Variants in SLC35A5 observed in about 807,000 individuals in gnomAD.
The protein encoded by SLC35A5 is solute carrier family 35 member A5.
Under a neutral mutation model 36.3 loss-of-function variants are expected in SLC35A5, and 28 were observed. The ratio of observed to expected loss-of-function variants is 0.77; its 90% CI spans 0.57 to 1.06. The LOEUF (loss-of-function observed/expected upper bound fraction) is 1.06, where lower values mean the gene tolerates loss of function less well. SLC35A5 is among the 50% of genes least tolerant of loss of function. The pLI is 0.00. For synonymous variants in SLC35A5, 180 were observed against 173.7 expected, an observed-to-expected ratio of 1.04 and a Z score of -0.29; for missense variants, 521 against 499.3, an observed-to-expected ratio of 1.04 and a Z score of -0.41.
intron 4 of SLC35A5, among the ~76,000 whole-genome samples, chr3:112,571,953 T>G (rs1055274989): frequency 1.8e-5 from 1 of 54,358 alleles, no homozygotes; most frequent in East Asian, 5.7e-4. Flanking sequence ...TTTTTTTTTT[T>G]GAGACGGAGT....
At chr3:112,561,587 G>A, upstream of SLC35A5, 11 of 1,538,538 alleles carry the variant, frequency 7.1e-6, no homozygotes, top group Non-Finnish European at 9.7e-6. Context: ...CCGTGTCAGG[G>A]GCCAGGGAGT....
chr3:112,576,360 T>A (rs1279338925), intron 5 of SLC35A5, among the ~76,000 whole-genome samples: 1 of 150,832 alleles, frequency 6.6e-6, no homozygotes, highest in African/African-American at 2.4e-5. Flanking sequence ...CTCCTGACCT[T>A]GTGATCCACC....
At chr3:112,561,849 T>C, upstream of SLC35A5, 1 of 360,680 alleles carries the variant, frequency 2.8e-6, no homozygotes. Context: ...CACGCACCCC[T>C]CGCCCTCTGC....
rs1045318231 is a variant in SLC35A5, at chr3:112,585,488, T to G, written c.*2752T>G. 2.0e-5 allele frequency: 3 copies of G among 152,122 alleles called. No homozygotes were observed. The highest frequency in any genetic ancestry group is 4.4e-5 in the Non-Finnish European group (3 of 68,020). 9.4% of individuals were successfully genotyped at this position (152,122 alleles called of 1,614,324 possible). A position where few individuals can be genotyped will look rare whatever the true frequency, so the allele number is the denominator to read the frequency against. On this transcript the variant is annotated 3_prime_UTR_variant, in exon 7 of 7. Coordinates refer to ENST00000492406, the MANE Select transcript of SLC35A5 (RefSeq NM_017945.5). ...TGATGGGTCCACTAGAAGCCCAAAC[T>G]TCACCATTATGCAATGTACCATATA... is the stretch of plus-strand genomic sequence containing the variant.
At chr3:112,561,679 CGGGCGGGACGAGG>C, upstream of SLC35A5, 1 of 711,046 alleles carries the variant, frequency 1.4e-6, no homozygotes, top group East Asian at 3.2e-5. Flanking sequence ...CGCGACGGGA[CGGGCGGGACGAGG>C]GGGCGGGGCG....
chr3:112,569,601 A>G (rs1934349903), intron 3 of SLC35A5, among the ~76,000 whole-genome samples: 1 of 152,196 alleles, frequency 6.6e-6, no homozygotes, highest in South Asian at 2.1e-4. Flanking sequence ...CTAACTTGAG[A>G]TGTATCATAT....
Position 112,582,946 on chromosome 3 carries a change from A to G in SLC35A5, c.*210A>G, listed in dbSNP as rs143666893. 37 of 508,838 alleles carry G rather than the reference A, an allele frequency of 7.3e-5. No homozygotes were observed. In the East Asian group the frequency reaches 1.1e-3, roughly 15 times the overall value. The allele number at this position is 508,838 out of a possible 1,614,324, so 31.5% of individuals were successfully genotyped here. A position where few individuals can be genotyped will look rare whatever the true frequency, so the allele number is the denominator to read the frequency against. ...AAAGAACTGATACAGGAGTAACAAT[A>G]TGAAGAATTCATTAATATCTCAGTA... On this transcript the variant is annotated 3_prime_UTR_variant, in exon 7 of 7. Transcript: ENST00000492406.
At position 112,563,422 on chromosome 3, in the gene SLC35A5, A is replaced by C; in HGVS notation, c.19A>C (p.Ser7Arg). 1 of 1,574,974 alleles carries C rather than the reference A, an allele frequency of 6.3e-7. No homozygotes were observed. The highest frequency in any genetic ancestry group is 8.7e-7 in the Non-Finnish European group (1 of 1,151,220). Residue 7 changes from serine (S) to arginine (R), a missense_variant, in exon 2 of 7, where the codon AGT (serine) becomes CGT (arginine). By Grantham distance (110) the Ser-to-Arg change is moderately radical (BLOSUM62 -1). Transcript: ENST00000492406. MEKQCC[S>R]HPVICSLSTM... ...CAGTGGAATGGAAAAACAGTGCTGT[A>C]GTCATCCTGTAATATGCTCCTTGTC...
intron 3 of SLC35A5, 89 bp from the exon 4 acceptor site, chr3:112,570,451 A>G (rs1218933334): frequency 1.4e-6 from 2 of 1,396,150 alleles, no homozygotes; most frequent in Middle Eastern, 2.1e-4. Context: ...CTCCCTTTAA[A>G]GAATTGTATC....
rs984842263 is a variant in SLC35A5 at position 112,583,846 on chromosome 3, A to T, written c.*1110A>T. ...ATGCAGCCAGTTAACTCTCGTAGAT[A>T]GAGAAGTCAGGTGATAGATGATATT... is the stretch of plus-strand genomic sequence containing the variant. On this transcript the variant is annotated 3_prime_UTR_variant, in exon 7 of 7. Coordinates refer to ENST00000492406, the MANE Select transcript of SLC35A5 (RefSeq NM_017945.5). The T allele has an allele frequency of 1.3e-5, 2 of 152,156 alleles. No individual in the cohort carries two copies. Among genetic ancestry groups the T allele is most frequent in the Non-Finnish European group, 2.9e-5 (2 of 68,006 alleles). 9.4% of individuals were successfully genotyped at this position (152,156 alleles called of 1,614,324 possible). A position where few individuals can be genotyped will look rare whatever the true frequency, so the allele number is the denominator to read the frequency against.
In SLC35A5 at chr3:112,562,190, G is replaced by A. The variant is rs1559852601; in HGVS notation, c.-103G>A. ...GCTTCTCCACGTATGGACCCTAAAG[G>A]CTACTGCTGCTACTACGGGGCTAGA... On this transcript the variant is annotated 5_prime_UTR_variant, in exon 1 of 7. Transcript: ENST00000492406. 1 of 152,914 alleles carries A rather than the reference G, an allele frequency of 6.5e-6. No homozygotes were observed. Among genetic ancestry groups the A allele is most frequent in the African/African-American group, 2.4e-5 (1 of 41,458 alleles). 9.5% of individuals were successfully genotyped at this position (152,914 alleles called of 1,614,324 possible).
chr3:112,567,256 A>G (rs1047499192), intron 2 of SLC35A5, among the ~76,000 whole-genome samples: 5 of 151,902 alleles, frequency 3.3e-5, no homozygotes, highest in African/African-American at 1.2e-4. Flanking sequence ...AGACAAACAA[A>G]CAAAAAGATA....
chr3:112,570,504 C>T (rs749657194), intron 3 of SLC35A5, 36 bp from the exon 4 acceptor site: 1 of 1,572,518 alleles, frequency 6.4e-7, no homozygotes, highest in Non-Finnish European at 8.6e-7. Flanking sequence ...TGTGGGCATT[C>T]TCATCAAGGT....
chr3:112,572,044 G>A (rs1211946880), intron 4 of SLC35A5, among the ~76,000 whole-genome samples: 1 of 138,560 alleles, frequency 7.2e-6, no homozygotes, highest in African/African-American at 2.7e-5. Flanking sequence ...CCGGGTTCAC[G>A]CCATTCTCCT....
chr3:112,573,374 G>C (rs1934532878), intron 4 of SLC35A5, among the ~76,000 whole-genome samples: 1 of 152,174 alleles, frequency 6.6e-6, no homozygotes, highest in Non-Finnish European at 1.5e-5. Flanking sequence ...AGAACAACTT[G>C]AATCAGTGCG....
In SLC35A5 at chr3:112,580,599, T is replaced by C; in HGVS notation, c.482T>C (p.Ile161Thr). 2 of 1,614,060 alleles carry C rather than the reference T, an allele frequency of 1.2e-6. No homozygotes were observed. The highest frequency in any genetic ancestry group is 2.2e-5 in the South Asian group (2 of 91,080). Reference protein sequence around the residue: ...WASLLTLFLSIVALTAGTKTL... With the variant: ...WASLLTLFLSTVALTAGTKTL... ...TCCCTCCTGACTTTATTTTTGTCTA[T>C]TGTGGCCTTGACTGCCGGGACTAAA... The change falls in exon 6 of 7, where the codon ATT (isoleucine) becomes ACT (threonine). Residue 161 changes from isoleucine (I) to threonine (T), a missense_variant. Transcript: ENST00000492406.
intron 2 of SLC35A5, among the ~76,000 whole-genome samples, chr3:112,567,053 C>T (rs1024145206): frequency 1.5e-4 from 23 of 151,864 alleles, no homozygotes; most frequent in Admixed American, 3.3e-4. Context: ...AGTGAAACCC[C>T]ATCTCCACTA....
rs372811697 is a variant in SLC35A5, at chr3:112,582,639, G to A, written c.1210-32G>A. On this transcript the variant is annotated intron_variant, in intron 6 of 6. Coordinates refer to ENST00000492406, the MANE Select transcript of SLC35A5 (RefSeq NM_017945.5). ...TTAAAAATGCTACATTTCCAGTTTTGTTCTAATTACTGCTTTCATGTTTCC... is the reference window on the plus strand; with the variant it reads ...TTAAAAATGCTACATTTCCAGTTTTATTCTAATTACTGCTTTCATGTTTCC... The A allele has an allele frequency of 8.3e-6, 13 of 1,570,738 alleles. No individual in the cohort carries two copies. The African/African-American group carries it at 1.4e-4, about 16-fold the overall frequency.
chr3:112,569,152 C>T lies in SLC35A5; in HGVS notation c.131-19C>T, dbSNP rs767081168. 6.3e-7 allele frequency: 1 copy of T among 1,579,074 alleles called. No homozygotes were observed. ...TGGAATAAAATATATAGTTAAAAAACATTTCTGTTACATTTCAGAAAACAA... is the reference window on the plus strand; with the variant it reads ...TGGAATAAAATATATAGTTAAAAAATATTTCTGTTACATTTCAGAAAACAA... On this transcript the variant is annotated intron_variant, in intron 2 of 6. Transcript: ENST00000492406.
Sources: gnomAD v4.1 joint callset for allele counts (sites outside exome capture counted in the v4.1 genomes callset) on GRCh38, gnomAD v4.1.1 for gene constraint, MANE v1.5 for transcripts, NCBI Gene and HGNC (gene_info 2026-07-23, HGNC 2026-07-21) for gene names.